KIAA1328: variants seen among roughly 807,000 people sequenced by gnomAD.
KIAA1328 encodes KIAA1328.
A neutral mutation model predicts 68.1 loss-of-function variants in KIAA1328; 52 were observed. The ratio of observed to expected loss-of-function variants is 0.76; its 90% CI spans 0.61 to 0.96. The LOEUF (loss-of-function observed/expected upper bound fraction) is 0.96, where lower values mean the gene tolerates loss of function less well. Ranked by LOEUF, KIAA1328 falls within the 40% of genes least tolerant of loss-of-function variation. The pLI is 0.00. For missense variants in KIAA1328, 641 were observed against 677.6 expected (o/e 0.95, Z 0.60); for synonymous variants, 232 against 239.4 (o/e 0.97, Z 0.28).
intron 5 of KIAA1328, among the ~76,000 whole-genome samples, chr18:36,897,436 T>G (rs1250613736): frequency 6.6e-6 from 1 of 152,094 alleles, no homozygotes; most frequent in African/African-American, 2.4e-5. Flanking sequence ...TATGAGACTT[T>G]GTTTCACACA....
At chr18:36,930,166 C>T (rs865865317) in intron 5 of KIAA1328, among the ~76,000 whole-genome samples, 55 of 152,304 alleles carry the variant, frequency 3.6e-4, no homozygotes, top group African/African-American at 1.2e-3. Flanking sequence ...GTAGCTCCCA[C>T]TTAGCCTTCA....
intron 7 of KIAA1328, among the ~76,000 whole-genome samples, chr18:37,159,981 G>A (rs2059242573): frequency 6.6e-6 from 1 of 152,100 alleles, no homozygotes; most frequent in Non-Finnish European, 1.5e-5. Flanking sequence ...CCAACTCCCA[G>A]TGTAAGCTTT....
chr18:37,216,899 C>CT (rs762745405), intron 9 of KIAA1328, among the ~76,000 whole-genome samples: 4,536 of 90,298 alleles, frequency 0.05, 137 homozygotes, highest in African/African-American at 0.071. Context: ...TTCTTTGTCT[C>CT]TTTTTTTTTT....
At chr18:37,166,674 G>C (rs890335903) in intron 8 of KIAA1328, among the ~76,000 whole-genome samples, 1 of 152,090 alleles carries the variant, frequency 6.6e-6, no homozygotes, top group Non-Finnish European at 1.5e-5. Context: ...CCTGTCTGTG[G>C]ATTCCCTAAA....
At chr18:36,996,958 T>G (rs906979750) in intron 6 of KIAA1328, among the ~76,000 whole-genome samples, 1 of 152,148 alleles carries the variant, frequency 6.6e-6, no homozygotes, top group African/African-American at 2.4e-5. Flanking sequence ...TTGGATTTGT[T>G]TTTCTGTCTG....
At chr18:36,955,477 T>A (rs2051373315) in intron 5 of KIAA1328, among the ~76,000 whole-genome samples, 1 of 151,838 alleles carries the variant, frequency 6.6e-6, no homozygotes, top group South Asian at 2.1e-4. Context: ...AGCCAGCTAA[T>A]TTTTGTATTT....
intron 5 of KIAA1328, among the ~76,000 whole-genome samples, chr18:36,925,447 A>G (rs1333297083): frequency 6.6e-6 from 1 of 152,126 alleles, no homozygotes; most frequent in Non-Finnish European, 1.5e-5. Flanking sequence ...CAAATTTGGA[A>G]CCTTTTCTTT....
chr18:37,164,418 A>G (rs2059344353), intron 8 of KIAA1328, among the ~76,000 whole-genome samples: 1 of 152,188 alleles, frequency 6.6e-6, no homozygotes, highest in African/African-American at 2.4e-5. Flanking sequence ...ATCAATTGGT[A>G]ATGTCAAAGA....
At position 37,145,786 on chromosome 18, in the gene KIAA1328, C is replaced by G. The variant is rs151075265; in HGVS notation, c.1233-14414C>G. Among the ~76,000 whole-genome samples the G allele has an allele frequency of 4.3e-4, 65 of 152,140 alleles. 1 individual carries two copies. The East Asian group carries it at 0.012, about 29-fold the overall frequency. On this transcript the variant is annotated intron_variant, in intron 7 of 9. Transcript: ENST00000280020. The stretch of plus-strand genomic sequence containing the variant: ...TAATCATTCCAGCCTTTCATGTGTA[C>G]TGTTTTCAGGGCCTATCTCTTTTCA...
At chr18:36,949,200 A>G (rs2034215) in intron 5 of KIAA1328, among the ~76,000 whole-genome samples, 2 of 152,098 alleles carry the variant, frequency 1.3e-5, no homozygotes, top group African/African-American at 2.4e-5. Flanking sequence ...AAAGGGTAAA[A>G]TATTTCTCCT....
At chr18:37,039,178 T>G (rs1207069172) in intron 6 of KIAA1328, among the ~76,000 whole-genome samples, 2 of 152,292 alleles carry the variant, frequency 1.3e-5, no homozygotes, top group Non-Finnish European at 1.5e-5. Context: ...TGTTTTTCTG[T>G]GAGATCTTTG....
At chr18:36,975,167 C>G (rs146247158) in intron 6 of KIAA1328, among the ~76,000 whole-genome samples, 142 of 148,938 alleles carry the variant, frequency 9.5e-4, no homozygotes, top group African/African-American at 3.4e-3. Context: ...GACCAAAGTA[C>G]AAGCTACAAT....
intron 6 of KIAA1328, among the ~76,000 whole-genome samples, chr18:36,975,292 C>G (rs1028046697): frequency 1.3e-5 from 2 of 150,878 alleles, no homozygotes; most frequent in South Asian, 4.2e-4. Flanking sequence ...ACGCCATTCT[C>G]CTGCCTCAGC....
At chr18:36,834,442 G>T (rs1015958281) in intron 2 of KIAA1328, 87 bp downstream of exon 2, 3 of 1,192,978 alleles carry the variant, frequency 2.5e-6, no homozygotes, top group Admixed American at 3.1e-5. Flanking sequence ...AATGTTGCGG[G>T]TATAAATAAC....
intron 7 of KIAA1328, among the ~76,000 whole-genome samples, chr18:37,100,749 G>A (rs1487414831): frequency 5.3e-5 from 8 of 152,206 alleles, no homozygotes; most frequent in African/African-American, 1.9e-4. Context: ...CCCCCGAGTA[G>A]CCTAACTGGG....
chr18:37,094,874 A>G (rs1033274378), intron 7 of KIAA1328, among the ~76,000 whole-genome samples: 7 of 152,152 alleles, frequency 4.6e-5, no homozygotes, highest in African/African-American at 1.7e-4. Context: ...GAAGGGATGG[A>G]AATACATATT....
intron 6 of KIAA1328, among the ~76,000 whole-genome samples, chr18:37,031,410 C>T: frequency 6.6e-6 from 1 of 152,134 alleles, no homozygotes; most frequent in East Asian, 1.9e-4. Flanking sequence ...TTATCACTTT[C>T]AAACATGCCT....
chr18:36,829,142 G>C lies in KIAA1328; in HGVS notation c.4G>C (p.Ala2Pro). 2 of 1,534,364 alleles carry C rather than the reference G, an allele frequency of 1.3e-6. No individual in the cohort carries two copies. Among genetic ancestry groups the C allele is most frequent in the Non-Finnish European group, 1.8e-6 (2 of 1,142,382 alleles). Residue 2 changes from alanine to proline, a missense_variant, in exon 1 of 10, where the codon GCG becomes CCG. Transcript: ENST00000280020. MADVAGPSRPSA... is the reference protein window; with the variant it reads MPDVAGPSRPSA... The stretch of plus-strand genomic sequence containing the variant: ...CCCGAGTGGCGGTTGTTTCAAGATG[G>C]CGGACGTGGCGGGCCCCTCCCGCCC...
intron 4 of KIAA1328, among the ~76,000 whole-genome samples, chr18:36,877,545 TG>T (rs2048173329): frequency 6.6e-6 from 1 of 150,694 alleles, no homozygotes; most frequent in Admixed American, 6.6e-5. Flanking sequence ...TCCACTTGCT[TG>T]GTAAATATTC....
Sources: gnomAD v4.1 joint callset for allele counts (sites outside exome capture counted in the v4.1 genomes callset) on GRCh38, gnomAD v4.1.1 for gene constraint, MANE v1.5 for transcripts, NCBI Gene and HGNC (gene_info 2026-07-23, HGNC 2026-07-21) for gene names.